TSC22D3: variants seen among roughly 807,000 people sequenced by gnomAD.
The protein encoded by TSC22D3 is TSC22 domain family member 3.
TSC22D3 carries 4 observed loss-of-function variants against 11.1 expected under a neutral mutation model. That is an observed-to-expected ratio of 0.36 (90% confidence interval 0.18 to 0.83). The LOEUF (loss-of-function observed/expected upper bound fraction) is 0.83. Ranked by LOEUF, TSC22D3 falls within the 40% of genes least tolerant of loss-of-function variation. The pLI, the probability that TSC22D3 is intolerant of heterozygous loss-of-function variation, is 0.48. For synonymous variants in TSC22D3, 77 were observed against 70.3 expected (o/e 1.10, Z -0.48); for missense variants, 118 against 159.4 (o/e 0.74, Z 1.40).
chrX:107,766,118 G>A, intron 1 of TSC22D3, among the ~76,000 whole-genome samples: 1 of 112,385 alleles, frequency 8.9e-6, no homozygotes, highest in Non-Finnish European at 1.9e-5. Context: ...AAGAAGAGGA[G>A]CTATTGGTTT....
chrX:107,770,485 T>A (rs1362153816), intron 1 of TSC22D3, among the ~76,000 whole-genome samples: 1 of 112,317 alleles, frequency 8.9e-6, no homozygotes, highest in Non-Finnish European at 1.9e-5. Flanking sequence ...GGATATTAAA[T>A]GAATTAGCAC....
At chrX:107,747,204 G>A (rs984152032) in intron 1 of TSC22D3, among the ~76,000 whole-genome samples, 1 of 112,909 alleles carries the variant, frequency 8.9e-6, no homozygotes, top group Non-Finnish European at 1.9e-5. Context: ...AAAAGTTGAC[G>A]TGAAAGCCCA....
intron 1 of TSC22D3, among the ~76,000 whole-genome samples, chrX:107,724,891 TC>T (rs1360160514): frequency 4.4e-5 from 5 of 112,395 alleles, no homozygotes; most frequent in African/African-American, 1.3e-4. Flanking sequence ...TTGTGCACAA[TC>T]AATCATATGG....
intron 1 of TSC22D3, among the ~76,000 whole-genome samples, chrX:107,723,059 TG>T (rs1175300726): frequency 9.6e-6 from 1 of 104,264 alleles, no homozygotes; most frequent in African/African-American, 3.5e-5. Context: ...GTGCTTGGGT[TG>T]GGGGGTGGCC....
At chrX:107,753,216 A>G (rs1190958593) in intron 1 of TSC22D3, among the ~76,000 whole-genome samples, 1 of 110,883 alleles carries the variant, frequency 9.0e-6, no homozygotes, top group Non-Finnish European at 1.9e-5. Flanking sequence ...TGAGCCAGAG[A>G]GGAGAGAGGA....
At chrX:107,731,431 A>C (rs1927877260) in intron 1 of TSC22D3, among the ~76,000 whole-genome samples, 1 of 111,911 alleles carries the variant, frequency 8.9e-6, no homozygotes, top group Non-Finnish European at 1.9e-5. Context: ...ATTTCCCCTA[A>C]TTGTAAAATG....
intron 1 of TSC22D3, among the ~76,000 whole-genome samples, chrX:107,739,082 C>T (rs1928273877): frequency 8.8e-6 from 1 of 113,013 alleles, no homozygotes; most frequent in African/African-American, 3.2e-5. Context: ...CAAAGAAGAC[C>T]TGGACTCTCT....
At chrX:107,760,878 G>C (rs1929407677) in intron 1 of TSC22D3, among the ~76,000 whole-genome samples, 1 of 112,326 alleles carries the variant, frequency 8.9e-6, no homozygotes, top group South Asian at 3.7e-4. Context: ...AGCCTTGACA[G>C]GGAGAAAGCT....
intron 1 of TSC22D3, among the ~76,000 whole-genome samples, chrX:107,768,524 G>A (rs1295348716): frequency 2.7e-5 from 3 of 112,589 alleles, no homozygotes; most frequent in Non-Finnish European, 5.6e-5. Context: ...AAAAACTGAG[G>A]AGTAGATGAA....
At position 107,742,838 on chromosome X, in the gene TSC22D3, C is replaced by T. The variant is rs374609495; in HGVS notation, c.321-26888G>A. Among the ~76,000 whole-genome samples the T allele has an allele frequency of 8.0e-5, 9 of 112,019 alleles. No individual in the cohort carries two copies. The East Asian group carries it at 2.5e-3, about 32-fold the overall frequency. On this transcript the variant is annotated intron_variant, in intron 1 of 2. Coordinates refer to ENST00000372383, the MANE Select transcript of TSC22D3 (RefSeq NM_198057.3). ...CAGATTCCTGAGGGGAACCTGATCC[C>T]GCCCTGGGATCAGTATGGGCTCTTC...
intron 1 of TSC22D3, chrX:107,721,807 C>T: frequency 2.2e-6 from 1 of 459,938 alleles, no homozygotes; most frequent in Non-Finnish European, 4.0e-6. Flanking sequence ...CCACTTACTC[C>T]TCCACTACGG....
intron 1 of TSC22D3, among the ~76,000 whole-genome samples, chrX:107,727,113 G>T (rs757129116): frequency 5.4e-5 from 6 of 111,810 alleles, no homozygotes; most frequent in South Asian, 3.8e-4. Flanking sequence ...GAAGGCATTT[G>T]TCATGTCACA....
intron 1 of TSC22D3, among the ~76,000 whole-genome samples, chrX:107,774,341 C>T (rs1226757421): frequency 5.4e-5 from 6 of 111,034 alleles, no homozygotes; most frequent in Non-Finnish European, 1.1e-4. Flanking sequence ...TTGTCCTCTC[C>T]TTGCCTCCCC....
chrX:107,716,585 G>A (rs1003073052), intron 1 of TSC22D3: 2 of 970,703 alleles, frequency 2.1e-6, no homozygotes, highest in African/African-American at 4.3e-5. Context: ...TGCACCGCGG[G>A]GAACAGGGAC....
At chrX:107,754,140 C>T (rs754985005) in intron 1 of TSC22D3, among the ~76,000 whole-genome samples, 86 of 110,711 alleles carry the variant, frequency 7.8e-4, no homozygotes, top group African/African-American at 2.6e-3. Flanking sequence ...ATGCTGGTCT[C>T]GAACTCTTGA....
intron 1 of TSC22D3, among the ~76,000 whole-genome samples, chrX:107,733,571 C>A (rs1010096007): frequency 1.8e-5 from 2 of 110,962 alleles, no homozygotes; most frequent in African/African-American, 6.6e-5. Flanking sequence ...CCCTCACCAT[C>A]CATCCTGTCC....
intron 2 of TSC22D3, chrX:107,715,659 G>A (rs1926974417): frequency 4.5e-6 from 2 of 445,606 alleles, no homozygotes; most frequent in Non-Finnish European, 8.0e-6. Flanking sequence ...CAGAGCCTGC[G>A]GCAAAGACCT....
intron 1 of TSC22D3, among the ~76,000 whole-genome samples, chrX:107,774,323 T>TC (rs1365151286): frequency 9.0e-6 from 1 of 110,874 alleles, no homozygotes; most frequent in Non-Finnish European, 1.9e-5. Context: ...TTGTGTTTTT[T>TC]CCCTCCCTTG....
At chrX:107,749,077 G>A (rs1323722966) in intron 1 of TSC22D3, among the ~76,000 whole-genome samples, 1 of 111,027 alleles carries the variant, frequency 9.0e-6, no homozygotes, top group Non-Finnish European at 1.9e-5. Flanking sequence ...GCTCATGCCT[G>A]TGATCCCAGC....
Sources: gnomAD v4.1 joint callset for allele counts (sites outside exome capture counted in the v4.1 genomes callset) on GRCh38, gnomAD v4.1.1 for gene constraint, MANE v1.5 for transcripts, NCBI Gene and HGNC (gene_info 2026-07-23, HGNC 2026-07-21) for gene names.